Variants in PCNX2 observed in about 807,000 individuals in gnomAD.
PCNX2 encodes the protein pecanex-like protein 2.
PCNX2 carries 168 observed loss-of-function variants against 223.8 expected under a neutral mutation model. That is an observed-to-expected ratio of 0.75 (90% CI 0.66 to 0.85). The LOEUF is 0.85. Among genes scored for constraint, PCNX2 ranks in the 40% least tolerant of loss-of-function variants. The pLI, the probability that PCNX2 is intolerant of heterozygous loss-of-function variation, is 0.00. For missense variants in PCNX2, 2,507 were observed against 2,675.5 expected (o/e 0.94, Z 1.39); for synonymous variants, 1,006 against 1,052.6 (o/e 0.96, Z 0.86).
chr1:233,167,351 AG>A (rs1678861393), intron 17 of PCNX2, among the ~76,000 whole-genome samples: 10 of 152,302 alleles, frequency 6.6e-5, no homozygotes, highest in African/African-American at 2.4e-4. Flanking sequence ...AGAGAGAGAG[AG>A]AGAGAGAGTC....
Position 233,034,161 on chromosome 1 carries a change from G to C in PCNX2, c.4352-8762C>G, listed in dbSNP as rs192243529. Among the ~76,000 whole-genome samples, 625 of 152,278 alleles carry C rather than the reference G, an allele frequency of 4.1e-3. 1 individual carries two copies. The highest frequency in any genetic ancestry group is 8.2e-3 in the Admixed American group (126 of 15,296). ...CGGGAGGCGGAGGTTGCAATGAGCCGAGATCGTGCCGCTGCCCTCCAGCCT... is the reference window on the plus strand; with the variant it reads ...CGGGAGGCGGAGGTTGCAATGAGCCCAGATCGTGCCGCTGCCCTCCAGCCT... On this transcript the variant is annotated intron_variant, in intron 25 of 33. Coordinates refer to ENST00000258229, the MANE Select transcript of PCNX2 (RefSeq NM_014801.4).
chr1:233,271,154 T>C (rs1439996530), intron 1 of PCNX2, among the ~76,000 whole-genome samples: 3 of 152,216 alleles, frequency 2.0e-5, no homozygotes, highest in South Asian at 4.1e-4. Context: ...CAAAGTTATG[T>C]CAACTTCAAT....
intron 25 of PCNX2, among the ~76,000 whole-genome samples, chr1:233,036,223 T>C (rs1390363749): frequency 1.3e-5 from 2 of 152,108 alleles, no homozygotes; most frequent in Non-Finnish European, 2.9e-5. Context: ...TCCTAGAACA[T>C]AAGCTTGAAG....
At chr1:233,305,532 C>T in the PCNX2 span, among the ~76,000 whole-genome samples, 2 of 152,044 alleles carry the variant, frequency 1.3e-5, no homozygotes, top group African/African-American at 2.4e-5. Flanking sequence ...GCAGCCTCAA[C>T]CTCCCAGGCT....
At chr1:233,302,079 C>CCCAGCCAAGA in the PCNX2 span, among the ~76,000 whole-genome samples, 7 of 151,870 alleles carry the variant, frequency 4.6e-5, no homozygotes, top group South Asian at 1.5e-3. Context: ...TATAGTGAAC[C>CCCAGCCAAGA]ACTGCGCCCA....
At chr1:233,052,963 C>T (rs1466986556) in intron 25 of PCNX2, among the ~76,000 whole-genome samples, 1 of 151,796 alleles carries the variant, frequency 6.6e-6, no homozygotes, top group African/African-American at 2.4e-5. Context: ...AGTCTCTGGG[C>T]ACTTCCCTGT....
intron 1 of PCNX2, among the ~76,000 whole-genome samples, chr1:233,267,624 C>T (rs973465488): frequency 1.3e-5 from 2 of 148,988 alleles, no homozygotes; most frequent in African/African-American, 5.0e-5. Flanking sequence ...TAGTACATGA[C>T]CTTTTGTGAC....
chr1:233,295,998 C>CTTTTTTTTTTTTTTTTT (rs201102619), upstream of PCNX2, among the ~76,000 whole-genome samples: 1 of 96,884 alleles, frequency 1.0e-5, no homozygotes, highest in African/African-American at 3.8e-5. This position sits in a 1 kb window ranked among gnomAD's most constrained non-coding sequence, Gnocchi z 4.1. Context: ...TTCTTTCTTT[C>CTTTTTTTTTTTTTTTTT]TTTCTTTTTT....
intron 8 of PCNX2, among the ~76,000 whole-genome samples, chr1:233,244,622 G>A (rs1158824490): frequency 2.0e-5 from 3 of 152,122 alleles, no homozygotes; most frequent in African/African-American, 7.2e-5. Context: ...TGAGGCAGGA[G>A]AATTGTTGAA....
At chr1:233,069,222 G>C (rs941822489) in intron 23 of PCNX2, among the ~76,000 whole-genome samples, 1 of 152,104 alleles carries the variant, frequency 6.6e-6, no homozygotes, top group Non-Finnish European at 1.5e-5. Context: ...ACCCAAACCT[G>C]ATAGAACTGA....
intron 24 of PCNX2, among the ~76,000 whole-genome samples, chr1:233,054,944 CAT>C (rs751349448): frequency 1.4e-4 from 21 of 152,194 alleles, no homozygotes; most frequent in African/African-American, 3.9e-4. Context: ...GAAAAATGCA[CAT>C]AGTCATATAA....
At chr1:233,017,848 A>G (rs1670739542) in intron 26 of PCNX2, among the ~76,000 whole-genome samples, 1 of 152,258 alleles carries the variant, frequency 6.6e-6, no homozygotes, top group Admixed American at 6.5e-5. Flanking sequence ...AATGACAGTC[A>G]GCCCCATCCT....
chr1:233,298,832 G>A (rs1024406619), upstream of PCNX2, among the ~76,000 whole-genome samples: 1 of 152,008 alleles, frequency 6.6e-6, no homozygotes, highest in Non-Finnish European at 1.5e-5. Flanking sequence ...CAGTGAGCCA[G>A]GATCATGCCA....
chr1:233,217,622 G>C (rs946153473), intron 12 of PCNX2, among the ~76,000 whole-genome samples: 3 of 151,994 alleles, frequency 2.0e-5, no homozygotes, highest in South Asian at 2.1e-4. Context: ...AAGACTGCTC[G>C]ATCTTTGTTG....
intron 5 of PCNX2, among the ~76,000 whole-genome samples, chr1:233,256,629 T>C (rs746966942): frequency 5.9e-5 from 9 of 152,210 alleles, no homozygotes; most frequent in Non-Finnish European, 1.2e-4. Flanking sequence ...AATAGCTACC[T>C]GTGGCCACTG....
At chr1:233,169,639 C>G (rs995481173) in intron 17 of PCNX2, among the ~76,000 whole-genome samples, 1 of 120,112 alleles carries the variant, frequency 8.3e-6, no homozygotes, top group Non-Finnish European at 1.7e-5. Flanking sequence ...AGCGAAACTC[C>G]GTCTCAAAAA....
At chr1:233,233,424 CTGTGTGTGTGTGTGTGTGTGTG>C (rs57458756) in intron 9 of PCNX2, among the ~76,000 whole-genome samples, 5 of 140,240 alleles carry the variant, frequency 3.6e-5, no homozygotes, top group Non-Finnish European at 6.1e-5. Context: ...TCCTCTTCTC[CTGTGTGTGTGTGTGTGTGTGTG>C]TGTGTGTGTG....
intron 1 of PCNX2, among the ~76,000 whole-genome samples, chr1:233,276,842 C>T (rs1660941881): frequency 6.6e-6 from 1 of 152,238 alleles, no homozygotes; most frequent in African/African-American, 2.4e-5. Context: ...CCGTGCATGG[C>T]ACTTTGGGGT....
intron 23 of PCNX2, among the ~76,000 whole-genome samples, chr1:233,088,649 T>G (rs896978026): frequency 1.3e-5 from 2 of 152,196 alleles, no homozygotes; most frequent in African/African-American, 4.8e-5. Context: ...GCCAGAAACC[T>G]GAGGACCTCC....
Sources: gnomAD v4.1 joint callset for allele counts (sites outside exome capture counted in the v4.1 genomes callset) on GRCh38, gnomAD v4.1.1 for gene constraint, Gnocchi (gnomAD v3.1) non-coding constraint, MANE v1.5 for transcripts, NCBI Gene and HGNC (gene_info 2026-07-23, HGNC 2026-07-21) for gene names.